ATIC: variants seen among roughly 807,000 people sequenced by gnomAD.
The protein encoded by ATIC is bifunctional purine biosynthesis protein ATIC.
ATIC carries 64 observed loss-of-function variants against 72.5 expected under a neutral mutation model. That is an observed-to-expected ratio of 0.88 (90% CI 0.72 to 1.09). ATIC has a LOEUF of 1.09. Among genes scored for constraint, ATIC ranks in the 50% least tolerant of loss-of-function variants. ATIC has a pLI of 0.00. For synonymous variants in ATIC, 281 were observed against 267.1 expected, an observed-to-expected ratio of 1.05 and a Z score of -0.51; for missense variants, 787 against 732.4, an observed-to-expected ratio of 1.07 and a Z score of -0.86.
At chr2:215,337,745 G>A (rs997214153) in intron 11 of ATIC, among the ~76,000 whole-genome samples, 1 of 152,070 alleles carries the variant, frequency 6.6e-6, no homozygotes, top group African/African-American at 2.4e-5. Flanking sequence ...GCATTTTCTT[G>A]TAGCATCATG....
At chr2:215,328,835 G>A (rs540635424) in intron 7 of ATIC, among the ~76,000 whole-genome samples, 71 of 151,298 alleles carry the variant, frequency 4.7e-4, no homozygotes, top group Non-Finnish European at 7.5e-4. Flanking sequence ...CTCCTGCCTC[G>A]GCCTCTCAAG....
chr2:215,319,583 T>C, intron 3 of ATIC, 82 bp from the exon 4 acceptor site: 2 of 1,023,594 alleles, frequency 2.0e-6, no homozygotes, highest in South Asian at 2.6e-5. Context: ...TTTAATTTGA[T>C]TGAAGACACT....
chr2:215,361,621 A>C, the ATIC span: 144 of 1,610,488 alleles, frequency 8.9e-5, 1 homozygote, highest in South Asian at 1.5e-3. Context: ...TTGGGCAATT[A>C]ACATTCTGTT....
the ATIC span, among the ~76,000 whole-genome samples, chr2:215,363,798 CAT>C: frequency 6.6e-6 from 1 of 152,162 alleles, no homozygotes; most frequent in Non-Finnish European, 1.5e-5. Context: ...AATTTGAAAT[CAT>C]ATTAGAGAAA....
At chr2:215,355,902 C>T in the ATIC span, among the ~76,000 whole-genome samples, 1 of 152,206 alleles carries the variant, frequency 6.6e-6, no homozygotes, top group Non-Finnish European at 1.5e-5. Context: ...ATCTTGGGCA[C>T]ATAGCTTAAC....
the ATIC span, chr2:215,361,003 T>C: frequency 0.035 from 5,411 of 156,638 alleles, 321 homozygotes; most frequent in African/African-American, 0.13. Flanking sequence ...TTCAATACAA[T>C]TTTTTCCGTA....
In ATIC at chr2:215,348,963, AAAAAAT is replaced by A. The variant is rs1460232519; in HGVS notation, c.1504-128_1504-123del. On this transcript the variant is annotated intron_variant, in intron 14 of 15. Transcript: ENST00000236959. Reference sequence around the variant, plus strand: ...TAGTGCAAAACTCCGTCTAAAAAAAAAAAAATAATAATAATAATAAAAACAAGTCCT... The same window carrying A: ...TAGTGCAAAACTCCGTCTAAAAAAAAAATAATAATAATAAAAACAAGTCCT... The A allele has an allele frequency of 3.3e-5, 26 of 783,002 alleles. 1 individual carries two copies. The highest frequency in any genetic ancestry group is 7.3e-5 in the Admixed American group (2 of 27,492). 48.5% of individuals were successfully genotyped at this position (783,002 alleles called of 1,614,324 possible). A position where few individuals can be genotyped will look rare whatever the true frequency, so the allele number is the denominator to read the frequency against.
chr2:215,312,702 A>C (rs1198940189), intron 2 of ATIC, 78 bp downstream of exon 2: 7 of 1,603,824 alleles, frequency 4.4e-6, no homozygotes, highest in Non-Finnish European at 6.0e-6. Context: ...CACCAGCAGC[A>C]AAACGCCTTA....
chr2:215,313,099 A>T (rs974444743), intron 2 of ATIC, among the ~76,000 whole-genome samples: 3 of 152,184 alleles, frequency 2.0e-5, no homozygotes, highest in African/African-American at 7.2e-5. Flanking sequence ...CCTGGACAAC[A>T]CACTGGACAG....
intron 12 of ATIC, among the ~76,000 whole-genome samples, chr2:215,339,580 G>A (rs752950930): frequency 2.0e-4 from 31 of 151,758 alleles, no homozygotes; most frequent in Non-Finnish European, 3.7e-4. Flanking sequence ...ATGTGTAGAT[G>A]TACTACGATG....
chr2:215,365,594 C>G, the ATIC span: 1 of 1,614,084 alleles, frequency 6.2e-7, no homozygotes, highest in Non-Finnish European at 8.5e-7. Flanking sequence ...CCACTTCTCT[C>G]CAATCTTGTA....
chr2:215,321,063 A>G (rs998139108), intron 4 of ATIC, among the ~76,000 whole-genome samples: 1 of 152,192 alleles, frequency 6.6e-6, no homozygotes, highest in African/African-American at 2.4e-5. Flanking sequence ...TCCAAACCAT[A>G]TTAATTGCCA....
At chr2:215,325,052 G>C (rs556530127) in intron 4 of ATIC, 189 bp from the exon 5 acceptor site, 3 of 552,314 alleles carry the variant, frequency 5.4e-6, no homozygotes, top group Non-Finnish European at 6.5e-6. Context: ...ACCTCTGCTC[G>C]ACCCCAGCAG....
At chr2:215,337,842 T>C (rs552984868) in intron 11 of ATIC, among the ~76,000 whole-genome samples, 62 of 152,308 alleles carry the variant, frequency 4.1e-4, no homozygotes, top group Admixed American at 7.2e-4. Flanking sequence ...CAGGACTTCA[T>C]TGGTATTTTA....
At chr2:215,312,210 C>G (rs1157620717) in intron 1 of ATIC, 49 bp downstream of exon 1, 2 of 1,478,826 alleles carry the variant, frequency 1.4e-6, no homozygotes, top group Non-Finnish European at 1.8e-6. Flanking sequence ...CTGCGGCCCC[C>G]CACGCTCCCG....
chr2:215,334,251 T>C (rs1369723249), intron 9 of ATIC, among the ~76,000 whole-genome samples: 1 of 143,486 alleles, frequency 7.0e-6, no homozygotes, highest in African/African-American at 2.5e-5. Flanking sequence ...TGGAGTGCAG[T>C]GGCGCCATCT....
chr2:215,344,932 A>G, intron 13 of ATIC, 61 bp downstream of exon 13: 2 of 1,504,118 alleles, frequency 1.3e-6, no homozygotes, highest in Non-Finnish European at 1.8e-6. Context: ...ATATTTAAAC[A>G]TCCGTCTGCC....
chr2:215,344,734 A>G, intron 12 of ATIC, 45 bp from the exon 13 acceptor site: 1 of 1,552,756 alleles, frequency 6.4e-7, no homozygotes, highest in East Asian at 2.2e-5. Context: ...AAGTTAAATG[A>G]GTTTAAAAGG....
chr2:215,349,207 T>G lies in ATIC; in HGVS notation c.1617T>G (p.Asp539Glu), dbSNP rs572957441. 1.1e-5 allele frequency: 18 copies of G among 1,614,100 alleles called. No homozygotes were observed. The East Asian group carries it at 3.6e-4, about 32-fold the overall frequency. The change falls in exon 15 of 16, where the codon GAT becomes GAG. Residue 539 changes from aspartate to glutamate, a missense_variant. Coordinates refer to ENST00000236959, the MANE Select transcript of ATIC (RefSeq NM_004044.7). ...EKLTEVSISSDAFFPFRDNVD... is the reference protein window; with the variant it reads ...EKLTEVSISSEAFFPFRDNVD... ...TGACTGAAGTTTCTATCAGCTCTGA[T>G]GCCTTCTTCCCTTTCCGAGATAACG...
Sources: allele counts gnomAD v4.1 joint callset (sites outside exome capture counted in the v4.1 genomes callset), GRCh38; gene constraint gnomAD v4.1.1; transcripts MANE v1.5; gene names NCBI Gene and HGNC (gene_info 2026-07-23, HGNC 2026-07-21).